The following LRRC49 variants were observed in gnomAD, a reference collection of about 807,000 sequenced individuals.
LRRC49 encodes leucine rich repeat containing 49.
A neutral mutation model predicts 83.3 loss-of-function variants in LRRC49; 50 were observed. That is an observed-to-expected ratio of 0.60 (90% CI 0.48 to 0.76). LRRC49 has a LOEUF of 0.76. LRRC49 is among the 30% of genes least tolerant of loss of function. The pLI is 0.00. For synonymous variants in LRRC49, 286 were observed against 283.3 expected, an observed-to-expected ratio of 1.01 and a Z score of -0.10; for missense variants, 704 against 809.1, an observed-to-expected ratio of 0.87 and a Z score of 1.58.
intron 1 of LRRC49, among the ~76,000 whole-genome samples, chr15:70,856,689 G>A (rs886646569): frequency 3.9e-5 from 6 of 152,162 alleles, no homozygotes; most frequent in African/African-American, 1.4e-4. Context: ...GTATTTCATG[G>A]GAGAAGTCCA....
intron 7 of LRRC49, 58 bp from the exon 8 acceptor site, chr15:70,936,703 A>T: frequency 1.0e-6 from 1 of 984,424 alleles, no homozygotes. Context: ...TAGCAAGAAG[A>T]CATTTATAAT....
At chr15:70,853,690 C>A (rs1022609839) in intron 1 of LRRC49, among the ~76,000 whole-genome samples, 1 of 152,108 alleles carries the variant, frequency 6.6e-6, no homozygotes, top group Admixed American at 6.5e-5. Context: ...GGTTGGGCGA[C>A]GAAGCTGCGG....
rs576891314 is a variant in LRRC49, at chr15:70,992,543, G to C, written c.1169+8286G>C. Among the ~76,000 whole-genome samples, 4 of 152,204 alleles carry C rather than the reference G, an allele frequency of 2.6e-5. 1 individual carries two copies. The South Asian group carries it at 8.3e-4, about 31-fold the overall frequency. On this transcript the variant is annotated intron_variant, in intron 11 of 15. Transcript: ENST00000260382. The stretch of plus-strand genomic sequence containing the variant: ...CTTCTAACAGTCAGGACCCTCAGCT[G>C]TAGGTCTGTTGGAGTTTGCTGGAGG...
At position 70,901,027 on chromosome 15, in the gene LRRC49, G is replaced by A. The variant is rs1251584494; in HGVS notation, c.296+3G>A. 5.1e-6 allele frequency: 8 copies of A among 1,567,264 alleles called. No individual in the cohort carries two copies. Among genetic ancestry groups the A allele is most frequent in the Non-Finnish European group, 7.0e-6 (8 of 1,147,414 alleles). ...TCAGACAGGTTGAGCCTAGAAAGGT[G>A]AGGACAATTTCTTTTCTTTTCTTTT... is the stretch of plus-strand genomic sequence containing the variant. On this transcript the variant is annotated splice_donor_region_variant and intron_variant, in intron 4 of 15. Coordinates refer to ENST00000260382, the MANE Select transcript of LRRC49 (RefSeq NM_017691.5).
intron 8 of LRRC49, among the ~76,000 whole-genome samples, chr15:70,945,884 T>C (rs148120093): frequency 1.3e-5 from 2 of 152,264 alleles, no homozygotes; most frequent in Admixed American, 6.5e-5. Flanking sequence ...CCCCAAAATA[T>C]CTTAAAAAGT....
chr15:70,882,848 C>T (rs1459089136), intron 2 of LRRC49: 6 of 1,613,972 alleles, frequency 3.7e-6, no homozygotes, highest in Non-Finnish European at 5.1e-6. Context: ...ACTGAAGTGA[C>T]AGTATTAGAT....
chr15:70,855,754 C>T (rs1459018927), intron 1 of LRRC49, among the ~76,000 whole-genome samples: 1 of 152,146 alleles, frequency 6.6e-6, no homozygotes, highest in Non-Finnish European at 1.5e-5. Context: ...AGAGAGAGAC[C>T]TTTGGTGCTA....
intron 5 of LRRC49, among the ~76,000 whole-genome samples, chr15:70,910,367 A>C (rs990698628): frequency 6.6e-6 from 1 of 152,134 alleles, no homozygotes; most frequent in African/African-American, 2.4e-5. Flanking sequence ...ATATACATAC[A>C]CACTACATAT....
At chr15:70,989,731 T>G (rs1175052795) in intron 11 of LRRC49, among the ~76,000 whole-genome samples, 1 of 152,198 alleles carries the variant, frequency 6.6e-6, no homozygotes, top group Admixed American at 6.5e-5. Flanking sequence ...TTCCAGTTTT[T>G]CTGCTCTGTT....
At chr15:70,873,330 T>C in intron 2 of LRRC49, 1 of 1,249,516 alleles carries the variant, frequency 8.0e-7, no homozygotes, top group Non-Finnish European at 1.1e-6. Context: ...CTAAAGCTAT[T>C]ATACAAGAAT....
intron 14 of LRRC49, among the ~76,000 whole-genome samples, chr15:71,023,720 C>T (rs2039067394): frequency 6.6e-6 from 1 of 152,226 alleles, no homozygotes. Flanking sequence ...GGAGATCCCC[C>T]TTATGAGCCC....
chr15:70,994,325 C>T (rs560191981), intron 11 of LRRC49, among the ~76,000 whole-genome samples: 1 of 152,076 alleles, frequency 6.6e-6, no homozygotes, highest in Non-Finnish European at 1.5e-5. Flanking sequence ...ATCCATTTCA[C>T]TTATCTGTTT....
chr15:71,015,610 G>C (rs905470464), intron 14 of LRRC49, among the ~76,000 whole-genome samples: 10 of 152,282 alleles, frequency 6.6e-5, no homozygotes, highest in African/African-American at 2.4e-4. Flanking sequence ...ATATATCGGG[G>C]TCTCCAAGCC....
intron 8 of LRRC49, among the ~76,000 whole-genome samples, chr15:70,962,101 T>C (rs1210281258): frequency 6.6e-6 from 1 of 152,182 alleles, no homozygotes; most frequent in South Asian, 2.1e-4. Flanking sequence ...TTGTTTCTCA[T>C]TGGGGGTACA....
chr15:70,854,535 A>G (rs2032602963), intron 1 of LRRC49, among the ~76,000 whole-genome samples: 1 of 152,158 alleles, frequency 6.6e-6, no homozygotes, highest in Non-Finnish European at 1.5e-5. Context: ...GCCAGAGACC[A>G]CAGCTCCAGG....
intron 14 of LRRC49, among the ~76,000 whole-genome samples, chr15:71,025,168 C>A (rs572500841): frequency 1.2e-3 from 178 of 152,136 alleles, no homozygotes; most frequent in Non-Finnish European, 2.2e-3. Flanking sequence ...ACAAGACAGG[C>A]TAACATTCAT....
At chr15:70,867,041 G>T (rs558652971) in intron 1 of LRRC49, among the ~76,000 whole-genome samples, 5 of 133,972 alleles carry the variant, frequency 3.7e-5, no homozygotes, top group African/African-American at 1.3e-4. Flanking sequence ...AGTGGAGGCT[G>T]ATCGGAACGG....
intron 11 of LRRC49, among the ~76,000 whole-genome samples, chr15:70,991,181 A>C (rs2037866796): frequency 6.6e-6 from 1 of 152,212 alleles, no homozygotes; most frequent in African/African-American, 2.4e-5. Flanking sequence ...CATTTATCAC[A>C]TGATAATATA....
chr15:70,872,143 T>C (rs2033060311), intron 1 of LRRC49, among the ~76,000 whole-genome samples: 1 of 152,214 alleles, frequency 6.6e-6, no homozygotes, highest in Admixed American at 6.5e-5. Flanking sequence ...TCTGCAATCC[T>C]GGCACCTCGG....
Sources: gnomAD v4.1 joint callset for allele counts (sites outside exome capture counted in the v4.1 genomes callset) on GRCh38, gnomAD v4.1.1 for gene constraint, MANE v1.5 for transcripts, NCBI Gene and HGNC (gene_info 2026-07-23, HGNC 2026-07-21) for gene names.